TRPC6: variants seen among roughly 807,000 people sequenced by gnomAD.
The protein encoded by TRPC6 is transient receptor potential cation channel subfamily C member 6.
In TRPC6, 55 loss-of-function variants were observed where a neutral mutation model predicts 90.7. The ratio of observed to expected loss-of-function variants is 0.61; its 90% CI spans 0.49 to 0.76. The LOEUF (loss-of-function observed/expected upper bound fraction) is 0.76, where lower values mean the gene tolerates loss of function less well. Among genes scored for constraint, TRPC6 ranks in the 30% least tolerant of loss-of-function variants. The probability of loss-of-function intolerance (pLI) is 0.00; values close to 1 mark genes in which losing one functional copy is unlikely to be tolerated. For synonymous variants in TRPC6, 393 were observed against 393.0 expected, an observed-to-expected ratio of 1.00 and a Z score of 0.00; for missense variants, 989 against 1,122.7, an observed-to-expected ratio of 0.88 and a Z score of 1.70.
chr11:101,581,119 T>C (rs1003765284), intron 1 of TRPC6, among the ~76,000 whole-genome samples: 2 of 152,222 alleles, frequency 1.3e-5, no homozygotes, highest in African/African-American at 4.8e-5. Context: ...ACATGTATTA[T>C]AGTACCTCTG....
At chr11:101,535,331 T>A (rs190269135) in intron 1 of TRPC6, among the ~76,000 whole-genome samples, 231 of 152,226 alleles carry the variant, frequency 1.5e-3, no homozygotes, top group African/African-American at 5.4e-3. Context: ...AAGTAGCATG[T>A]TCTAGTTAAC....
chr11:101,503,011 T>C (rs576671719), intron 2 of TRPC6, among the ~76,000 whole-genome samples: 1 of 152,352 alleles, frequency 6.6e-6, no homozygotes, highest in East Asian at 1.9e-4. Context: ...AACATTGTAC[T>C]TGATGAATCA....
intron 1 of TRPC6, among the ~76,000 whole-genome samples, chr11:101,573,958 A>G (rs11224874): frequency 0.039 from 4,034 of 103,462 alleles, 114 homozygotes; most frequent in Middle Eastern, 0.084. Context: ...GTGTGTGTGT[A>G]TGTGTGTGTG....
intron 7 of TRPC6, 102 bp from the exon 8 acceptor site, chr11:101,472,434 A>G: frequency 8.7e-7 from 1 of 1,153,050 alleles, no homozygotes; most frequent in South Asian, 1.5e-5. Context: ...CAAATTAGTG[A>G]GTATAAAAAA....
Position 101,577,790 on chromosome 11 carries a change from C to A in TRPC6, c.170+5544G>T, listed in dbSNP as rs187857911. On this transcript the variant is annotated intron_variant, in intron 1 of 12. Transcript: ENST00000344327. Reference sequence around the variant, plus strand: ...TTAATTCTCTTTGGTAAAGATATAGCCTCGCCTCAGGTGTGCAGAGGGAAC... The same window carrying A: ...TTAATTCTCTTTGGTAAAGATATAGACTCGCCTCAGGTGTGCAGAGGGAAC... Among the ~76,000 whole-genome samples the A allele has an allele frequency of 1.5e-3, 223 of 152,238 alleles. 1 individual carries two copies. Among genetic ancestry groups the A allele is most frequent in the Non-Finnish European group, 1.6e-3 (109 of 68,022 alleles).
intron 1 of TRPC6, among the ~76,000 whole-genome samples, chr11:101,562,580 A>T (rs1279178030): frequency 6.6e-6 from 1 of 152,154 alleles, no homozygotes; most frequent in Non-Finnish European, 1.5e-5. Context: ...CATACCAAAA[A>T]TCCTAGTTTA....
intron 1 of TRPC6, among the ~76,000 whole-genome samples, chr11:101,515,574 C>T (rs1475478748): frequency 2.0e-5 from 3 of 150,774 alleles, no homozygotes; most frequent in South Asian, 2.1e-4. Flanking sequence ...AAAAGAAAAA[C>T]GAATGGAGAG....
chr11:101,521,418 T>C (rs970973286), intron 1 of TRPC6, among the ~76,000 whole-genome samples: 1 of 152,236 alleles, frequency 6.6e-6, no homozygotes, highest in Non-Finnish European at 1.5e-5. Context: ...TGGAAGCCTT[T>C]GTCTAGATTT....
At chr11:101,538,984 G>A (rs758818147) in intron 1 of TRPC6, among the ~76,000 whole-genome samples, 9 of 152,142 alleles carry the variant, frequency 5.9e-5, no homozygotes, top group African/African-American at 1.9e-4. Context: ...TTTGTGCTTC[G>A]TGAAACTCAG....
At chr11:101,497,163 CCTT>C (rs1366722055) in intron 2 of TRPC6, among the ~76,000 whole-genome samples, 3 of 152,152 alleles carry the variant, frequency 2.0e-5, no homozygotes, top group Admixed American at 2.0e-4. Context: ...CATTTGCTGG[CCTT>C]CTCCTAATTT....
At chr11:101,562,932 G>T (rs1001606102) in intron 1 of TRPC6, among the ~76,000 whole-genome samples, 1 of 152,104 alleles carries the variant, frequency 6.6e-6, no homozygotes, top group South Asian at 2.1e-4. Flanking sequence ...GGATTCCTAC[G>T]TGTAAAACGC....
At chr11:101,473,458 ATATT>A (rs1859340139) in intron 7 of TRPC6, 47 bp downstream of exon 7, 2 of 1,596,118 alleles carry the variant, frequency 1.3e-6, no homozygotes, top group South Asian at 1.1e-5. Context: ...TGTTAAACTA[ATATT>A]TATTTAATTT....
intron 1 of TRPC6, among the ~76,000 whole-genome samples, chr11:101,568,820 T>C (rs541141935): frequency 3.3e-5 from 5 of 152,186 alleles, no homozygotes; most frequent in Non-Finnish European, 5.9e-5. Context: ...TGCTGAGAGA[T>C]TGTGTCACCA....
intron 1 of TRPC6, among the ~76,000 whole-genome samples, chr11:101,509,887 G>A (rs952426077): frequency 5.3e-5 from 8 of 151,956 alleles, no homozygotes; most frequent in Non-Finnish European, 1.5e-5. Context: ...ATTACAACTT[G>A]GTCATTCTGT....
intron 1 of TRPC6, among the ~76,000 whole-genome samples, chr11:101,537,183 TA>T (rs1319603721): frequency 6.6e-6 from 1 of 152,196 alleles, no homozygotes; most frequent in Non-Finnish European, 1.5e-5. Context: ...ACTTCCAATT[TA>T]AAACCAAATT....
In TRPC6 at chr11:101,471,279, C is replaced by G; in HGVS notation, c.2313G>C (p.Lys771Asn). Residue 771 changes from lysine to asparagine, a missense_variant, in exon 9 of 13, where the codon AAG becomes AAC. By Grantham distance (94) the Lys-to-Asn change is moderately conservative. Around this residue, in one of 4 missense-constraint regions of TRPC6, gnomAD observed 191 missense variants for 196.7 expected, o/e 0.97. Coordinates refer to ENST00000344327, the MANE Select transcript of TRPC6 (RefSeq NM_004621.6). ...PVPFNLVPSP[K>N]SLFYLLLKLK... ...GCTTCAGTAAGAGATAAAACAGGGA[C>G]TTTGGACTCGGCACCAGATTGAAGG... The G allele has an allele frequency of 6.2e-7, 1 of 1,613,960 alleles. No individual in the cohort carries two copies. The highest frequency in any genetic ancestry group is 8.5e-7 in the Non-Finnish European group (1 of 1,179,886).
chr11:101,537,454 T>C lies in TRPC6; in HGVS notation c.171-32656A>G, dbSNP rs183053027. On this transcript the variant is annotated intron_variant, in intron 1 of 12. Transcript: ENST00000344327. Reference sequence around the variant, plus strand: ...TGTCTGAACATTTGGCCATATACACTATACTCTCTCTCTTTCAAAAACACT... The same window carrying C: ...TGTCTGAACATTTGGCCATATACACCATACTCTCTCTCTTTCAAAAACACT... Among the ~76,000 whole-genome samples, 132 of 152,296 alleles carry C rather than the reference T, an allele frequency of 8.7e-4. No individual in the cohort carries two copies. In the Middle Eastern group the frequency reaches 0.027, roughly 31 times the overall value.
chr11:101,462,829 G>C (rs1455644461), intron 10 of TRPC6, among the ~76,000 whole-genome samples: 1 of 152,126 alleles, frequency 6.6e-6, no homozygotes, highest in African/African-American at 2.4e-5. Flanking sequence ...CCCCTTGCCA[G>C]AACTTCCAAT....
chr11:101,453,464 C>G (rs1858809745), intron 12 of TRPC6, among the ~76,000 whole-genome samples, 186 bp downstream of exon 12: 1 of 152,074 alleles, frequency 6.6e-6, no homozygotes, highest in African/African-American at 2.4e-5. Context: ...GGCACCTGTC[C>G]CCGCCTGTGG....
Sources: gnomAD v4.1 joint callset for allele counts (sites outside exome capture counted in the v4.1 genomes callset) on GRCh38, gnomAD v4.1.1 for gene constraint, gnomAD v4.1.1 regional missense constraint, MANE v1.5 for transcripts, NCBI Gene and HGNC (gene_info 2026-07-23, HGNC 2026-07-21) for gene names.